The following SLC36A1 variants were observed in gnomAD, a reference collection of about 807,000 sequenced individuals.
SLC36A1 encodes solute carrier family 36 member 1, also known as proton-coupled amino acid transporter 1.
A neutral mutation model predicts 47.5 loss-of-function variants in SLC36A1; 30 were observed. The observed-to-expected ratio is 0.63, with a 90% CI of 0.47 to 0.86. SLC36A1 has a LOEUF of 0.86. Among genes scored for constraint, SLC36A1 ranks in the 40% least tolerant of loss-of-function variants. The pLI is 0.00. For missense variants in SLC36A1, 517 were observed against 606.0 expected (o/e 0.85, Z 1.54); for synonymous variants, 255 against 249.7 (o/e 1.02, Z -0.20).
chr5:151,357,043 A>G, the SLC36A1 span, among the ~76,000 whole-genome samples: 42,587 of 152,104 alleles, frequency 0.28, 7,624 homozygotes, highest in African/African-American at 0.5. Flanking sequence ...AGCAAATCTA[A>G]GAGGAAGAAG....
the SLC36A1 span, among the ~76,000 whole-genome samples, chr5:151,517,118 A>G: frequency 6.6e-6 from 1 of 152,168 alleles, no homozygotes; most frequent in Non-Finnish European, 1.5e-5. Flanking sequence ...AAAAAAAAAA[A>G]AAAGAAAAAA....
chr5:151,540,465 C>T, the SLC36A1 span: 2 of 874,920 alleles, frequency 2.3e-6, no homozygotes, highest in South Asian at 1.9e-5. Flanking sequence ...GTTCTCCTGC[C>T]CCTCAATCTC....
the SLC36A1 span, chr5:151,529,248 G>A: frequency 6.2e-7 from 1 of 1,613,962 alleles, no homozygotes; most frequent in Non-Finnish European, 8.5e-7. Context: ...GGGGAATTGG[G>A]GCCGGTGTTC....
intron 8 of SLC36A1, among the ~76,000 whole-genome samples, chr5:151,474,005 C>T (rs1432819675): frequency 6.6e-6 from 1 of 151,160 alleles, no homozygotes; most frequent in Admixed American, 6.6e-5. Context: ...ACTAAATATA[C>T]AAAAATCAGC....
chr5:151,381,967 A>T, the SLC36A1 span: 1 of 497,354 alleles, frequency 2.0e-6, no homozygotes, highest in Non-Finnish European at 3.6e-6. Context: ...AGCAAGGTGA[A>T]CCCCTTGGGG....
the SLC36A1 span, among the ~76,000 whole-genome samples, chr5:151,367,361 A>ATATTTTTTTTTTTT: frequency 8.4e-6 from 1 of 118,866 alleles, no homozygotes; most frequent in African/African-American, 3.4e-5. Context: ...CCAGGAATGC[A>ATATTTTTTTTTTTT]TTTTTTTTTT....
chr5:151,367,237 G>T, the SLC36A1 span, among the ~76,000 whole-genome samples: 8 of 152,080 alleles, frequency 5.3e-5, no homozygotes, highest in South Asian at 4.1e-4. Context: ...CCAGGGCTGC[G>T]TTTTCCCAAC....
chr5:151,549,424 G>A, the SLC36A1 span: 103 of 1,614,022 alleles, frequency 6.4e-5, no homozygotes, highest in Non-Finnish European at 8.1e-5. Context: ...TGAGTGAAGC[G>A]GGGTGGGTGG....
chr5:151,502,771 T>A, the SLC36A1 span, among the ~76,000 whole-genome samples: 2 of 148,192 alleles, frequency 1.3e-5, no homozygotes, highest in Non-Finnish European at 2.9e-5. Flanking sequence ...AACCTATATC[T>A]ACATAAAACC....
the SLC36A1 span, among the ~76,000 whole-genome samples, chr5:151,398,442 A>C: frequency 1.3e-5 from 2 of 152,188 alleles, no homozygotes; most frequent in East Asian, 3.9e-4. Context: ...TTAAAAAGAA[A>C]GTATCATATG....
chr5:151,493,981 C>T (rs908378830), downstream of SLC36A1, among the ~76,000 whole-genome samples: 1 of 152,296 alleles, frequency 6.6e-6, no homozygotes, highest in Non-Finnish European at 1.5e-5. Context: ...ATGTCTTGCT[C>T]ACTTCCTCTG....
the SLC36A1 span, chr5:151,347,384 C>T: frequency 6.2e-7 from 1 of 1,614,252 alleles, no homozygotes; most frequent in Non-Finnish European, 8.5e-7. Context: ...CTTCTTGGCA[C>T]TTTCAGGAGG....
At chr5:151,407,622 G>C in the SLC36A1 span, among the ~76,000 whole-genome samples, 1,121 of 152,316 alleles carry the variant, frequency 7.4e-3, 12 homozygotes, top group African/African-American at 0.024. Context: ...CGACCCAGAA[G>C]CCCAGCCGGC....
the SLC36A1 span, among the ~76,000 whole-genome samples, chr5:151,370,659 C>T: frequency 1.3e-5 from 2 of 152,166 alleles, no homozygotes; most frequent in African/African-American, 4.8e-5. Context: ...TCTGTACTTT[C>T]TTACTCAATA....
At chr5:151,400,286 G>C in the SLC36A1 span, among the ~76,000 whole-genome samples, 2 of 152,184 alleles carry the variant, frequency 1.3e-5, no homozygotes, top group Non-Finnish European at 2.9e-5. Flanking sequence ...GAGTTAATTT[G>C]CTGAGGATAA....
the SLC36A1 span, chr5:151,507,260 T>A: frequency 6.2e-7 from 1 of 1,614,110 alleles, no homozygotes; most frequent in Non-Finnish European, 8.5e-7. Flanking sequence ...CCACTGGCCG[T>A]TGCTTAGAAT....
the SLC36A1 span, chr5:151,545,811 T>A: frequency 3.1e-6 from 5 of 1,614,094 alleles, no homozygotes; most frequent in South Asian, 5.5e-5. Context: ...TGCTATACAG[T>A]GGAGCTGCTT....
At chr5:151,505,973 G>A in the SLC36A1 span, 14 of 1,572,814 alleles carry the variant, frequency 8.9e-6, no homozygotes, top group Admixed American at 2.0e-5. Flanking sequence ...CTGGCATCAC[G>A]ACTGGGGTTG....
the SLC36A1 span, chr5:151,553,186 T>C: frequency 6.2e-7 from 1 of 1,614,244 alleles, no homozygotes; most frequent in East Asian, 2.2e-5. Flanking sequence ...CCTGAGATGT[T>C]GAACCAGAAG....
Sources: allele counts gnomAD v4.1 joint callset (sites outside exome capture counted in the v4.1 genomes callset), GRCh38; gene constraint gnomAD v4.1.1; transcripts MANE v1.5; gene names NCBI Gene and HGNC (gene_info 2026-07-23, HGNC 2026-07-21).